SGCZ: variants seen among roughly 807,000 people sequenced by gnomAD.
SGCZ encodes the protein sarcoglycan zeta, also known as zeta-sarcoglycan.
SGCZ carries 40 observed loss-of-function variants against 41.3 expected under a neutral mutation model. The observed-to-expected ratio is 0.97, with a 90% confidence interval of 0.75 to 1.26. The LOEUF (loss-of-function observed/expected upper bound fraction) is 1.26. Ranked by LOEUF, SGCZ falls within the 50% of genes most tolerant of loss-of-function variation. The pLI is 0.00. For missense variants in SGCZ, 552 were observed against 369.8 expected (o/e 1.49, Z -4.04); for synonymous variants, 206 against 137.5 (o/e 1.50, Z -3.49).
At chr8:14,195,687 A>G (rs1805244671) in intron 4 of SGCZ, among the ~76,000 whole-genome samples, 1 of 152,194 alleles carries the variant, frequency 6.6e-6, no homozygotes, top group Admixed American at 6.5e-5. Flanking sequence ...TAGAGTAACA[A>G]AGATAAGGAA....
intron 5 of SGCZ, among the ~76,000 whole-genome samples, chr8:14,151,717 T>C (rs1422485883): frequency 2.0e-5 from 3 of 152,144 alleles, no homozygotes; most frequent in African/African-American, 7.2e-5. Context: ...AGGTCTATTA[T>C]GTGGCTACAG....
intron 2 of SGCZ, among the ~76,000 whole-genome samples, chr8:14,361,268 T>C (rs1803503002): frequency 6.6e-6 from 1 of 152,230 alleles, no homozygotes; most frequent in Non-Finnish European, 1.5e-5. Context: ...GATAATATCC[T>C]GAAGAGCATT....
At chr8:14,606,036 T>G (rs1282651479) in intron 1 of SGCZ, among the ~76,000 whole-genome samples, 1 of 152,160 alleles carries the variant, frequency 6.6e-6, no homozygotes, top group Admixed American at 6.5e-5. Context: ...CCATATCTAA[T>G]TTATCTATAA....
At chr8:14,147,558 T>C (rs1170810246) in intron 5 of SGCZ, among the ~76,000 whole-genome samples, 1 of 152,106 alleles carries the variant, frequency 6.6e-6, no homozygotes, top group Admixed American at 6.5e-5. Flanking sequence ...GACATCCAAA[T>C]ATATAGAGGA....
intron 1 of SGCZ, among the ~76,000 whole-genome samples, chr8:14,788,988 TTA>T (rs1382592105): frequency 6.6e-6 from 1 of 152,164 alleles, no homozygotes; most frequent in East Asian, 1.9e-4. Flanking sequence ...AATGCTTGTT[TTA>T]TATGTCCTTC....
chr8:15,096,889 G>A (rs959728320), intron 1 of SGCZ, among the ~76,000 whole-genome samples: 1 of 152,004 alleles, frequency 6.6e-6, no homozygotes, highest in Non-Finnish European at 1.5e-5. Context: ...GTTTCACCGT[G>A]TTAGCCAGGA....
intron 4 of SGCZ, among the ~76,000 whole-genome samples, chr8:14,226,585 T>G (rs1806381462): frequency 6.6e-6 from 1 of 152,164 alleles, no homozygotes; most frequent in African/African-American, 2.4e-5. Flanking sequence ...CATAGCACAG[T>G]GCATTCATCC....
chr8:14,959,845 A>G (rs1406320304), intron 1 of SGCZ, among the ~76,000 whole-genome samples: 1 of 152,194 alleles, frequency 6.6e-6, no homozygotes, highest in Non-Finnish European at 1.5e-5. Context: ...TAGAAAAAGG[A>G]CAATGGGAGG....
chr8:14,098,962 G>T (rs546432386), intron 7 of SGCZ, among the ~76,000 whole-genome samples: 3 of 152,208 alleles, frequency 2.0e-5, no homozygotes, highest in African/African-American at 7.2e-5. Flanking sequence ...ATTGTATTCG[G>T]CTATATTACA....
At chr8:14,762,446 T>C (rs550401039) in intron 1 of SGCZ, among the ~76,000 whole-genome samples, 1 of 152,318 alleles carries the variant, frequency 6.6e-6, no homozygotes, top group East Asian at 1.9e-4. Flanking sequence ...AATTCCCACT[T>C]TACAGGTTTG....
intron 3 of SGCZ, among the ~76,000 whole-genome samples, chr8:14,277,750 C>T (rs966273908): frequency 6.6e-6 from 1 of 152,096 alleles, no homozygotes; most frequent in South Asian, 2.1e-4. Context: ...TTTCTTCACC[C>T]ACTCACAACC....
Position 14,444,728 on chromosome 8 carries a change from G to A in SGCZ, c.234+110004C>T, listed in dbSNP as rs575691168. 6.2e-4 allele frequency among the ~76,000 whole-genome samples: 94 copies of A among 151,672 alleles called. 1 individual carries two copies. Among genetic ancestry groups the A allele is most frequent in the African/African-American group, 2.2e-3 (91 of 41,308 alleles). On this transcript the variant is annotated intron_variant, in intron 2 of 7. Coordinates refer to ENST00000382080, the MANE Select transcript of SGCZ (RefSeq NM_139167.4). The stretch of plus-strand genomic sequence containing the variant: ...CCTAATGCTAAATGACGAGTTAATG[G>A]GTGCAGCACACCCGCATGGCACATG...
chr8:14,334,431 A>T (rs998398593), intron 2 of SGCZ, among the ~76,000 whole-genome samples: 1 of 152,050 alleles, frequency 6.6e-6, no homozygotes, highest in African/African-American at 2.4e-5. Flanking sequence ...TTAGCTACTC[A>T]TCCAGAACAC....
intron 1 of SGCZ, among the ~76,000 whole-genome samples, chr8:14,605,322 A>G (rs1286981956): frequency 2.0e-5 from 3 of 152,052 alleles, no homozygotes; most frequent in South Asian, 2.1e-4. Flanking sequence ...GTGAGATATT[A>G]TGATTCAGGC....
chr8:14,810,639 G>A lies in SGCZ; in HGVS notation c.40-255713C>T, dbSNP rs200910449. Among the ~76,000 whole-genome samples, 3 of 151,976 alleles carry A rather than the reference G, an allele frequency of 2.0e-5. No individual in the cohort carries two copies. The East Asian group carries it at 5.8e-4, about 29-fold the overall frequency. ...CATCAGTTCATTGGATATTGCACTG[G>A]AGATGGCTACAATCAGCAAGAGAGA... is the stretch of plus-strand genomic sequence containing the variant. On this transcript the variant is annotated intron_variant, in intron 1 of 7. Transcript: ENST00000382080.
chr8:14,862,233 C>A (rs1345562791), intron 1 of SGCZ, among the ~76,000 whole-genome samples: 1 of 151,910 alleles, frequency 6.6e-6, no homozygotes, highest in Non-Finnish European at 1.5e-5. Flanking sequence ...AACCAAGGCT[C>A]TGAGAATCTG....
Position 15,080,197 on chromosome 8 carries a change from T to C in SGCZ, c.39+157388A>G, listed in dbSNP as rs556965687. On this transcript the variant is annotated intron_variant, in intron 1 of 7. Coordinates refer to ENST00000382080, the MANE Select transcript of SGCZ (RefSeq NM_139167.4). ...TGTTCCAGGCAGATATTCAGTGAAA[T>C]TTTTTATGACACAAGATTTCCAATA... Among the ~76,000 whole-genome samples the C allele has an allele frequency of 2.6e-3, 394 of 152,268 alleles. 1 individual carries two copies. The highest frequency in any genetic ancestry group is 4.8e-3 in the Non-Finnish European group (325 of 68,028).
chr8:14,878,543 A>G (rs1230293887), intron 1 of SGCZ, among the ~76,000 whole-genome samples: 1 of 152,148 alleles, frequency 6.6e-6, no homozygotes, highest in Non-Finnish European at 1.5e-5. Context: ...GAGGTGGCCC[A>G]TATACAATAT....
chr8:15,196,621 C>T (rs1039805700), intron 1 of SGCZ, among the ~76,000 whole-genome samples: 1 of 127,500 alleles, frequency 7.8e-6, no homozygotes, highest in South Asian at 2.5e-4. Context: ...AGTAAAATTT[C>T]TTTTATTTAT....
Sources: allele counts gnomAD v4.1 joint callset (sites outside exome capture counted in the v4.1 genomes callset), GRCh38; gene constraint gnomAD v4.1.1; transcripts MANE v1.5; gene names NCBI Gene and HGNC (gene_info 2026-07-23, HGNC 2026-07-21).